Variants in SCPPPQ1 observed in about 807,000 individuals in gnomAD.
SCPPPQ1 encodes secretory calcium-binding phosphoprotein proline- and glutamine-rich 1.
the SCPPPQ1 span, chr4:87,461,023 C>T: frequency 7.9e-5 from 12 of 152,686 alleles, no homozygotes; most frequent in Non-Finnish European, 1.3e-4. Flanking sequence ...TTCAGATATT[C>T]CTAGAGGAAG....
the SCPPPQ1 span, among the ~76,000 whole-genome samples, chr4:87,464,706 T>C: frequency 5.0e-3 from 762 of 152,162 alleles, 5 homozygotes; most frequent in Non-Finnish European, 6.9e-3. Context: ...AGCGTGGTAG[T>C]GCGTCCCTGT....
chr4:87,470,173 C>G, the SCPPPQ1 span, among the ~76,000 whole-genome samples: 3 of 152,044 alleles, frequency 2.0e-5, no homozygotes, highest in African/African-American at 7.2e-5. Flanking sequence ...CCCCCTGTTG[C>G]AAGGATGGTC....
the SCPPPQ1 span, among the ~76,000 whole-genome samples, chr4:87,468,063 T>C: frequency 6.6e-6 from 1 of 152,186 alleles, no homozygotes; most frequent in Admixed American, 6.5e-5. Context: ...AAATACATTA[T>C]CCACTAAAGA....
the SCPPPQ1 span, among the ~76,000 whole-genome samples, chr4:87,463,885 T>A: frequency 6.6e-6 from 1 of 152,200 alleles, no homozygotes; most frequent in East Asian, 1.9e-4. Flanking sequence ...TTTTGTAGCA[T>A]CCACATGGTC....
At chr4:87,460,853 A>T in the SCPPPQ1 span, 4 of 152,630 alleles carry the variant, frequency 2.6e-5, no homozygotes, top group Non-Finnish European at 5.9e-5. Context: ...CATGGTCTAG[A>T]TACATTCTTT....
the SCPPPQ1 span, among the ~76,000 whole-genome samples, chr4:87,465,559 CAAAAAAAAAA>C: frequency 1.6e-4 from 16 of 98,312 alleles, no homozygotes; most frequent in African/African-American, 6.6e-4. Context: ...TAGAAATCTA[CAAAAAAAAAA>C]AAAAAAAAAA....
At chr4:87,465,086 T>C in the SCPPPQ1 span, among the ~76,000 whole-genome samples, 43,271 of 152,096 alleles carry the variant, frequency 0.28, 7,336 homozygotes, top group East Asian at 0.41. Flanking sequence ...TAATGACAAA[T>C]GTAAGCATAA....
the SCPPPQ1 span, among the ~76,000 whole-genome samples, chr4:87,461,406 G>A: frequency 6.6e-6 from 1 of 152,150 alleles, no homozygotes; most frequent in South Asian, 2.1e-4. Context: ...AACATAAGTA[G>A]TACTCATGTT....
the SCPPPQ1 span, among the ~76,000 whole-genome samples, chr4:87,463,656 T>G: frequency 5.4e-4 from 83 of 152,340 alleles, 1 homozygote; most frequent in Middle Eastern, 3.4e-3. Context: ...ACAGAAATAT[T>G]TTCTTTCTAC....
chr4:87,470,310 T>G, the SCPPPQ1 span, among the ~76,000 whole-genome samples: 14 of 152,154 alleles, frequency 9.2e-5, no homozygotes. Context: ...ATGCTTATTA[T>G]TAGTAATTGA....
the SCPPPQ1 span, among the ~76,000 whole-genome samples, chr4:87,468,035 A>G: frequency 6.6e-6 from 1 of 152,368 alleles, no homozygotes; most frequent in South Asian, 2.1e-4. Context: ...AACAGCAACA[A>G]GGTAAAGCAG....
the SCPPPQ1 span, among the ~76,000 whole-genome samples, chr4:87,462,928 G>T: frequency 1.3e-5 from 2 of 150,954 alleles, no homozygotes; most frequent in Admixed American, 1.3e-4. Context: ...AGCCTGGGGG[G>T]GCAGAGGTTG....
chr4:87,464,076 G>C, the SCPPPQ1 span, among the ~76,000 whole-genome samples: 3 of 152,130 alleles, frequency 2.0e-5, no homozygotes, highest in Admixed American at 1.3e-4. Context: ...TGTTCTGTTA[G>C]GGTGCCTTTC....
At chr4:87,463,539 A>G in the SCPPPQ1 span, among the ~76,000 whole-genome samples, 1 of 152,170 alleles carries the variant, frequency 6.6e-6, no homozygotes, top group African/African-American at 2.4e-5. Flanking sequence ...TATACTTTGT[A>G]TACAAAAATC....
the SCPPPQ1 span, among the ~76,000 whole-genome samples, chr4:87,465,434 T>C: frequency 4.6e-5 from 7 of 152,084 alleles, 1 homozygote; most frequent in Admixed American, 4.6e-4. Context: ...TATCAAATTC[T>C]CCCCAATTAA....
chr4:87,467,194 T>A, the SCPPPQ1 span, among the ~76,000 whole-genome samples: 1 of 152,210 alleles, frequency 6.6e-6, no homozygotes, highest in African/African-American at 2.4e-5. Flanking sequence ...GAGTCTCTCT[T>A]CCTCATCAGA....
At chr4:87,470,068 C>T in the SCPPPQ1 span, among the ~76,000 whole-genome samples, 1 of 151,494 alleles carries the variant, frequency 6.6e-6, no homozygotes, top group Non-Finnish European at 1.5e-5. Context: ...ATCCTTCTGC[C>T]TCAGTCTCCC....
chr4:87,464,825 C>T, the SCPPPQ1 span, among the ~76,000 whole-genome samples: 2 of 152,276 alleles, frequency 1.3e-5, no homozygotes, highest in South Asian at 4.1e-4. Flanking sequence ...CAGAGCGAGA[C>T]TCAGTCTCAA....
the SCPPPQ1 span, chr4:87,462,225 C>T: frequency 1.3e-5 from 2 of 152,180 alleles, no homozygotes; most frequent in Non-Finnish European, 2.9e-5. Flanking sequence ...ATCTCTCCCA[C>T]TTGGCCTCAG....
Sources: gnomAD v4.1 joint callset for allele counts (sites outside exome capture counted in the v4.1 genomes callset) on GRCh38, gnomAD v4.1.1 for gene constraint, MANE v1.5 for transcripts, NCBI Gene and HGNC (gene_info 2026-07-23, HGNC 2026-07-21) for gene names.